The following SLC19A1 variants were observed in gnomAD, a reference collection of about 807,000 sequenced individuals.
The protein encoded by SLC19A1 is reduced folate transporter.
SLC19A1 carries 37 observed loss-of-function variants against 35.3 expected under a neutral mutation model. That is an observed-to-expected ratio of 1.05 (90% CI 0.81 to 1.38). The LOEUF (loss-of-function observed/expected upper bound fraction) is 1.38, where lower values mean the gene tolerates loss of function less well. Ranked by LOEUF, SLC19A1 falls within the 40% of genes most tolerant of loss-of-function variation. SLC19A1 has a pLI of 0.00. For synonymous variants in SLC19A1, 460 were observed against 398.5 expected, an observed-to-expected ratio of 1.15 and a Z score of -1.84; for missense variants, 831 against 826.9, an observed-to-expected ratio of 1.00 and a Z score of -0.06.
rs771210291 is a variant in SLC19A1 at position 45,530,778 on chromosome 21, G to T, written c.1143C>A (p.Pro381=). The part of the protein sequence containing the change: ...LFRGSYQFLV[P]IATFQIASSL... ...ACCCTTCTGGAACTCACGTGGCGAT[G>T]GGCACGAGGAACTGGTAGGAGCCGC... The change falls in exon 4 of 6, where the codon CCC becomes CCA. Residue 381 remains proline (P), a synonymous_variant. Transcript: ENST00000311124. This position sits in a 1 kb window ranked among gnomAD's most constrained non-coding sequence, Gnocchi z 5.3. 6.4e-7 allele frequency: 1 copy of T among 1,560,338 alleles called. No homozygotes were observed. Among genetic ancestry groups the T allele is most frequent in the South Asian group, 1.2e-5 (1 of 85,144 alleles).
At chr21:45,523,493 C>A (rs576886085) in intron 5 of SLC19A1, among the ~76,000 whole-genome samples, 2 of 152,216 alleles carry the variant, frequency 1.3e-5, no homozygotes, top group Non-Finnish European at 2.9e-5. Context: ...TCGTGACCAG[C>A]TCTCTGGGGA....
At chr21:45,557,120 C>T (rs943765764) in intron 1 of SLC19A1, among the ~76,000 whole-genome samples, 8 of 152,236 alleles carry the variant, frequency 5.3e-5, no homozygotes, top group African/African-American at 1.9e-4. Flanking sequence ...CAGCTCCTTG[C>T]ACAATGGCAC....
At position 45,532,127 on chromosome 21, in the gene SLC19A1, C is replaced by T. The variant is rs1399973861; in HGVS notation, c.211G>A (p.Val71Met). 1 of 1,603,070 alleles carries T rather than the reference C, an allele frequency of 6.2e-7. No homozygotes were observed. The highest frequency in any genetic ancestry group is 1.1e-5 in the South Asian group (1 of 90,418). The change falls in exon 3 of 6, where the codon GTG becomes ATG. Residue 71 changes from valine (V) to methionine (M), a missense_variant. Transcript: ENST00000311124. Reference protein sequence around the residue: ...REQVTNEITPVLSYSYLAVLV... With the variant: ...REQVTNEITPMLSYSYLAVLV... ...ACGGCCAGGTAGGAGTACGACAGCA[C>T]CGGCGTGATCTCGTTCGTGACCTGC...
intron 1 of SLC19A1, among the ~76,000 whole-genome samples, chr21:45,551,245 T>C (rs2078463671): frequency 6.6e-6 from 1 of 151,902 alleles, no homozygotes; most frequent in African/African-American, 2.4e-5. Flanking sequence ...CGAGACTCCA[T>C]CTCAAAGGAA....
At chr21:45,528,447 C>T (rs1440356334) in intron 4 of SLC19A1, among the ~76,000 whole-genome samples, 5 of 151,966 alleles carry the variant, frequency 3.3e-5, no homozygotes, top group East Asian at 3.9e-4. Context: ...CACAGCAGGC[C>T]GGCCGGCCTC....
chr21:45,554,964 T>G (rs2078528544), intron 1 of SLC19A1, among the ~76,000 whole-genome samples: 2 of 151,170 alleles, frequency 1.3e-5, no homozygotes, highest in African/African-American at 4.9e-5. Context: ...GTCCATTCCC[T>G]GGGTCGATGT....
chr21:45,506,232 T>C (rs1407250625), intron 3 of SLC19A1: 3 of 494,334 alleles, frequency 6.1e-6, no homozygotes, highest in African/African-American at 1.9e-5. Flanking sequence ...ACAGTGAACG[T>C]TTACAAAGAT....
At chr21:45,509,333 G>T, downstream of SLC19A1, 2 of 1,542,366 alleles carry the variant, frequency 1.3e-6, no homozygotes, top group Non-Finnish European at 8.7e-7. Flanking sequence ...CCCGCCGACA[G>T]GCCCCACGTC....
chr21:45,541,711 GCTT>G (rs1236267788), intron 1 of SLC19A1: 3 of 152,288 alleles, frequency 2.0e-5, no homozygotes, highest in Non-Finnish European at 4.4e-5. Context: ...CACCTACAAA[GCTT>G]CTGGCACAGG....
intron 1 of SLC19A1, among the ~76,000 whole-genome samples, chr21:45,561,483 G>A (rs1056112887): frequency 4.6e-5 from 7 of 152,292 alleles, no homozygotes; most frequent in Non-Finnish European, 7.3e-5. Context: ...GGGTGAGGCC[G>A]GGCGCGGTGG....
intron 1 of SLC19A1, among the ~76,000 whole-genome samples, chr21:45,538,996 G>A (rs563985033): frequency 5.3e-5 from 8 of 152,280 alleles, no homozygotes; most frequent in South Asian, 4.1e-4. Context: ...CCTCCGGTGC[G>A]GGCAAGGGCA....
intron 3 of SLC19A1, chr21:45,506,748 GCCCTCCCACCTTCCCTCTGGAA>G (rs879896953): frequency 0.36 from 28,166 of 77,324 alleles, 2,742 homozygotes; most frequent in African/African-American, 0.48. Flanking sequence ...TCCTTCTAGA[GCCCTCCCACCTTCCCTCTGGAA>G]CCCTCCCACC....
At chr21:45,504,256 G>A in intron 3 of SLC19A1, 2 of 872,732 alleles carry the variant, frequency 2.3e-6, no homozygotes, top group Non-Finnish European at 3.6e-6. Context: ...GGCTGATGCA[G>A]TGGGAGGTGG....
downstream of SLC19A1, chr21:45,511,059 C>T (rs1395821849): frequency 1.7e-5 from 13 of 743,810 alleles, no homozygotes; most frequent in Non-Finnish European, 2.6e-5. Context: ...AACACCCACA[C>T]CCATCCACAC....
chr21:45,524,938 T>C (rs928017084), intron 5 of SLC19A1, among the ~76,000 whole-genome samples: 1 of 152,246 alleles, frequency 6.6e-6, no homozygotes, highest in African/African-American at 2.4e-5. Context: ...CAGAGGGCTC[T>C]GTGGCACAGG....
Position 45,517,384 on chromosome 21 carries a change from C to A in SLC19A1, c.1294-1244G>T, listed in dbSNP as rs2038012906. On this transcript the variant is annotated intron_variant, in intron 5 of 5. Transcript: ENST00000311124. This position sits in a 1 kb window ranked among gnomAD's most constrained non-coding sequence, Gnocchi z 4.4. ...ACCCCCCACCCTCGCCAGCCTGTAA[C>A]AAGGACCCCCGAGTCCCCTGCGGGG... is the stretch of plus-strand genomic sequence containing the variant. Among the ~76,000 whole-genome samples, 1 of 152,018 alleles carries A rather than the reference C, an allele frequency of 6.6e-6. No homozygotes were observed. Among genetic ancestry groups the A allele is most frequent in the Non-Finnish European group, 1.5e-5 (1 of 67,978 alleles).
At chr21:45,548,410 G>A (rs77892687), upstream of SLC19A1, among the ~76,000 whole-genome samples, 1,219 of 152,282 alleles carry the variant, frequency 8.0e-3, 15 homozygotes, top group African/African-American at 0.027. Flanking sequence ...CGTAAGTGAC[G>A]CTTACAACTG....
downstream of SLC19A1, chr21:45,509,397 G>A (rs1270807443): frequency 1.0e-5 from 16 of 1,543,070 alleles, no homozygotes; most frequent in Non-Finnish European, 1.2e-5. Flanking sequence ...TGGTGCAGCT[G>A]CACGACAGCA....
chr21:45,508,441 AAGTGGGTG>A (rs1031122902), downstream of SLC19A1, among the ~76,000 whole-genome samples: 3 of 127,298 alleles, frequency 2.4e-5, no homozygotes, highest in South Asian at 3.0e-4. Context: ...GATGGTGGGT[AAGTGGGTG>A]AGTGGATGGG....
Sources: allele counts gnomAD v4.1 joint callset (sites outside exome capture counted in the v4.1 genomes callset), GRCh38; gene constraint gnomAD v4.1.1; non-coding constraint Gnocchi (gnomAD v3.1); transcripts MANE v1.5; gene names NCBI Gene and HGNC (gene_info 2026-07-23, HGNC 2026-07-21).